The following PEX14 variants were observed in gnomAD, a reference collection of about 807,000 sequenced individuals.
The protein encoded by PEX14 is peroxisomal membrane protein PEX14.
Under a neutral mutation model 49.5 loss-of-function variants are expected in PEX14, and 15 were observed. That is an observed-to-expected ratio of 0.30 (90% confidence interval 0.20 to 0.47). The LOEUF (loss-of-function observed/expected upper bound fraction) is 0.47, where lower values mean the gene tolerates loss of function less well. Ranked by LOEUF, PEX14 falls within the 20% of genes least tolerant of loss-of-function variation. The pLI, the probability that PEX14 is intolerant of heterozygous loss-of-function variation, is 1.00. For synonymous variants in PEX14, 210 were observed against 212.7 expected, an observed-to-expected ratio of 0.99 and a Z score of 0.11; for missense variants, 398 against 494.8, an observed-to-expected ratio of 0.80 and a Z score of 1.86.
chr1:10,528,484 T>C (rs1638555203), intron 2 of PEX14: 1 of 160,224 alleles, frequency 6.2e-6, no homozygotes, highest in Non-Finnish European at 1.3e-5. Flanking sequence ...ATTTTTAGTG[T>C]TGGAGTCACC....
intron 3 of PEX14, among the ~76,000 whole-genome samples, chr1:10,579,548 A>G (rs147654343): frequency 1.3e-5 from 2 of 152,172 alleles, no homozygotes; most frequent in African/African-American, 2.4e-5. Flanking sequence ...AAGGTTATTA[A>G]CAAAGTAAAG....
At chr1:10,626,053 C>T (rs758149562) in intron 7 of PEX14, among the ~76,000 whole-genome samples, 1 of 152,196 alleles carries the variant, frequency 6.6e-6, no homozygotes, top group Non-Finnish European at 1.5e-5. Context: ...CTTCCAAACT[C>T]CTACTGGAGC....
At chr1:10,622,925 T>C (rs1257382302) in intron 5 of PEX14, 94 bp from the exon 6 acceptor site, 3 of 848,532 alleles carry the variant, frequency 3.5e-6, no homozygotes, top group Non-Finnish European at 4.0e-6. Flanking sequence ...AACCCAGGGA[T>C]GACAGGGAGA....
intron 3 of PEX14, among the ~76,000 whole-genome samples, chr1:10,596,329 C>T (rs1390708685): frequency 1.3e-5 from 2 of 152,214 alleles, no homozygotes; most frequent in Admixed American, 6.5e-5. Flanking sequence ...AAGATGAGGA[C>T]ATTCTACCTT....
intron 3 of PEX14, among the ~76,000 whole-genome samples, chr1:10,561,440 A>G (rs1639651164): frequency 6.6e-6 from 1 of 152,164 alleles, no homozygotes; most frequent in African/African-American, 2.4e-5. Flanking sequence ...CACATTCTGC[A>G]TTTGTCTCAT....
intron 2 of PEX14, among the ~76,000 whole-genome samples, chr1:10,522,313 A>G (rs1324506603): frequency 1.3e-5 from 2 of 152,224 alleles, no homozygotes; most frequent in Admixed American, 6.5e-5. Context: ...AAGTGGATCA[A>G]TTAATATTGT....
intron 2 of PEX14, among the ~76,000 whole-genome samples, chr1:10,516,530 C>T (rs961066164): frequency 2.6e-5 from 4 of 152,246 alleles, no homozygotes; most frequent in Non-Finnish European, 4.4e-5. Flanking sequence ...CTGCCTGAAA[C>T]TTTACCTGGG....
chr1:10,493,590 GC>G (rs1396888538), intron 1 of PEX14, among the ~76,000 whole-genome samples: 1 of 152,016 alleles, frequency 6.6e-6, no homozygotes, highest in East Asian at 1.9e-4. Context: ...ACCACACCTG[GC>G]CCATTTTTAT....
At chr1:10,604,305 A>G (rs934726477) in intron 4 of PEX14, among the ~76,000 whole-genome samples, 1 of 152,204 alleles carries the variant, frequency 6.6e-6, no homozygotes, top group Non-Finnish European at 1.5e-5. Context: ...ACAAAAGCAT[A>G]TAGATGTGAA....
intron 3 of PEX14, 80 bp from the exon 4 acceptor site, chr1:10,599,158 C>G: frequency 6.9e-7 from 1 of 1,454,648 alleles, no homozygotes. Flanking sequence ...CTGTAAAGGT[C>G]TTTGCTCAGT....
intron 2 of PEX14, among the ~76,000 whole-genome samples, chr1:10,511,656 A>G (rs1641885945): frequency 1.3e-5 from 2 of 152,068 alleles, no homozygotes; most frequent in African/African-American, 4.8e-5. Context: ...GGGGCCTCTG[A>G]CTTCCATAGA....
At chr1:10,538,163 G>A (rs1557833650) in intron 3 of PEX14, among the ~76,000 whole-genome samples, 1 of 152,180 alleles carries the variant, frequency 6.6e-6, no homozygotes, top group Non-Finnish European at 1.5e-5. Flanking sequence ...GATGCCGAGC[G>A]CCATGGATAC....
chr1:10,616,806 C>T (rs1401240395), intron 4 of PEX14: 1 of 152,132 alleles, frequency 6.6e-6, no homozygotes, highest in Non-Finnish European at 1.5e-5. Context: ...CAGGAGGGCA[C>T]TTTGCTATGT....
At chr1:10,479,622 A>G (rs1454672669) in intron 1 of PEX14, among the ~76,000 whole-genome samples, 1 of 152,206 alleles carries the variant, frequency 6.6e-6, no homozygotes. Flanking sequence ...ATTATTGCAG[A>G]AGGTAGATTT....
At chr1:10,592,415 GA>G (rs991363658) in intron 3 of PEX14, among the ~76,000 whole-genome samples, 43 of 146,948 alleles carry the variant, frequency 2.9e-4, no homozygotes, top group Middle Eastern at 3.5e-3. Flanking sequence ...GGGATTAAAA[GA>G]AAAAAAAAAC....
rs556524147 is a variant in PEX14 at position 10,566,464 on chromosome 1, T to A, written c.169+30167T>A. 2.0e-3 allele frequency among the ~76,000 whole-genome samples: 300 copies of A among 151,782 alleles called. 16 individuals are homozygous for A. In the South Asian group the frequency reaches 0.06, roughly 30 times the overall value. On this transcript the variant is annotated intron_variant, in intron 3 of 8. Coordinates refer to ENST00000356607, the MANE Select transcript of PEX14 (RefSeq NM_004565.3). ...TGCTTTTGTCCAGGCAGAATTTTTT[T>A]ATTTATCTATCATTTCTTTTATGAC...
Position 10,613,681 on chromosome 1 carries a change from C to T in PEX14, c.299-4651C>T, listed in dbSNP as rs948657088. ...GGGCTCTGAGTGAGAGTGAAGATAT[C>T]GCCTGTTCTTGGATTCTTTGGGGCT... On this transcript the variant is annotated intron_variant, in intron 4 of 8. Transcript: ENST00000356607. The surrounding 1 kb of genome is among the most constrained non-coding windows in gnomAD (Gnocchi z 5.0). 6.6e-6 allele frequency among the ~76,000 whole-genome samples: 1 copy of T among 152,164 alleles called. No homozygotes were observed. The highest frequency in any genetic ancestry group is 1.5e-5 in the Non-Finnish European group (1 of 68,036).
intron 3 of PEX14, among the ~76,000 whole-genome samples, chr1:10,564,312 T>C (rs568881581): frequency 6.6e-6 from 1 of 152,336 alleles, no homozygotes; most frequent in South Asian, 2.1e-4. Flanking sequence ...TTTCTTTTTC[T>C]TTACTGATCT....
intron 2 of PEX14, among the ~76,000 whole-genome samples, chr1:10,496,406 A>G (rs538645254): frequency 1.3e-5 from 2 of 152,256 alleles, no homozygotes; most frequent in East Asian, 3.9e-4. Context: ...GTGGTGGGAA[A>G]GCCCAGGAGG....
Sources: allele counts gnomAD v4.1 joint callset (sites outside exome capture counted in the v4.1 genomes callset), GRCh38; gene constraint gnomAD v4.1.1; non-coding constraint Gnocchi (gnomAD v3.1); transcripts MANE v1.5; gene names NCBI Gene and HGNC (gene_info 2026-07-23, HGNC 2026-07-21).